IL31RA: variants seen among roughly 807,000 people sequenced by gnomAD.
The protein encoded by IL31RA is interleukin-31 receptor subunit alpha.
A neutral mutation model predicts 83.7 loss-of-function variants in IL31RA; 66 were observed. That is an observed-to-expected ratio of 0.79 (90% confidence interval 0.65 to 0.97). The LOEUF (loss-of-function observed/expected upper bound fraction) is 0.97, where lower values mean the gene tolerates loss of function less well. Ranked by LOEUF, IL31RA falls within the 50% of genes least tolerant of loss-of-function variation. The pLI is 0.00. For synonymous variants in IL31RA, 325 were observed against 329.0 expected (o/e 0.99, Z 0.13); for missense variants, 798 against 919.4 (o/e 0.87, Z 1.71).
At chr5:55,907,335 C>CA in intron 9 of IL31RA, 24 bp from the exon 10 acceptor site, 1 of 1,505,638 alleles carries the variant, frequency 6.6e-7, no homozygotes, top group South Asian at 1.1e-5. Context: ...TGCACTTACA[C>CA]TTTTTTTTCT....
At position 55,920,296 on chromosome 5, in the gene IL31RA, C is replaced by T. The variant is rs1032156433; in HGVS notation, c.*3176C>T. 3.3e-5 allele frequency among the ~76,000 whole-genome samples: 5 copies of T among 152,236 alleles called. No individual in the cohort carries two copies. Among genetic ancestry groups the T allele is most frequent in the African/African-American group, 7.2e-5 (3 of 41,468 alleles). On this transcript the variant is annotated 3_prime_UTR_variant, in exon 15 of 15. Coordinates refer to ENST00000652347, the MANE Select transcript of IL31RA (RefSeq NM_139017.7). ...TCTGATTCTGTCCCCATTTCCAGCA[C>T]GCCCCTAGTTACTCCTGCTGCAGCA...
intron 2 of IL31RA, among the ~76,000 whole-genome samples, chr5:55,859,987 A>G (rs1387266284): frequency 1.3e-5 from 2 of 152,160 alleles, no homozygotes; most frequent in South Asian, 2.1e-4. Flanking sequence ...ATATATACCT[A>G]TGATGAAGTT....
At chr5:55,865,256 TTCC>T (rs1248981262) in intron 2 of IL31RA, among the ~76,000 whole-genome samples, 1 of 152,204 alleles carries the variant, frequency 6.6e-6, no homozygotes, top group Non-Finnish European at 1.5e-5. Flanking sequence ...GATCACTGGC[TTCC>T]TCATGGTTTT....
chr5:55,860,230 A>G (rs1008326556), intron 2 of IL31RA, among the ~76,000 whole-genome samples: 1 of 152,056 alleles, frequency 6.6e-6, no homozygotes, highest in Non-Finnish European at 1.5e-5. Context: ...TTAACCGAGT[A>G]TGGTGGCTCA....
Position 55,908,323 on chromosome 5 carries a change from CA to C in IL31RA, c.1414del (p.Thr472HisfsTer45). 6.2e-7 allele frequency: 1 copy of C among 1,614,148 alleles called. No homozygotes were observed. The highest frequency in any genetic ancestry group is 8.5e-7 in the Non-Finnish European group (1 of 1,180,044). ...ACATTGGCGTGAAGACGGTCACGAT[CA>C]CATGGAAAGAGATTCCCAAGAGTGA... The part of the protein sequence containing the change: ...ENIGVKTVTI[T>X]WKEIPKSERK... On this transcript the variant is annotated frameshift_variant, in exon 11 of 15. Transcript: ENST00000652347. LOFTEE classifies it high-confidence loss of function.
rs114146496 is a variant in IL31RA at position 55,908,226 on chromosome 5, C to T, written c.1355-39C>T. Reference sequence around the variant, plus strand: ...TGTGGGGGAACGATCTCCTGGAGTGCGGTTCAGTGATTATCATTTATCCCT... The same window carrying T: ...TGTGGGGGAACGATCTCCTGGAGTGTGGTTCAGTGATTATCATTTATCCCT... On this transcript the variant is annotated intron_variant, in intron 10 of 14. Transcript: ENST00000652347. 208 of 1,612,460 alleles carry T rather than the reference C, an allele frequency of 1.3e-4. No homozygotes were observed. In the South Asian group the frequency reaches 1.6e-3, roughly 13 times the overall value.
intron 7 of IL31RA, among the ~76,000 whole-genome samples, chr5:55,898,951 G>T (rs560086367): frequency 6.6e-6 from 1 of 152,268 alleles, no homozygotes; most frequent in African/African-American, 2.4e-5. Context: ...TGGAATCCAA[G>T]AGGCGGAGGT....
chr5:55,874,372 G>A (rs934165590), intron 4 of IL31RA, among the ~76,000 whole-genome samples: 1 of 152,024 alleles, frequency 6.6e-6, no homozygotes, highest in Non-Finnish European at 1.5e-5. Context: ...TTTCAAGATT[G>A]TTTTAGCTGT....
At position 55,899,947 on chromosome 5, in the gene IL31RA, C is replaced by T; in HGVS notation, c.884C>T (p.Thr295Ile). ...AGAGGAGCCCCAGTCCTAGAGAAAACACTTGGCTACAACATATGGTACTAT... is the reference window on the plus strand; with the variant it reads ...AGAGGAGCCCCAGTCCTAGAGAAAATACTTGGCTACAACATATGGTACTAT... ...KARGAPVLEK[T>I]LGYNIWYYPE... The change falls in exon 8 of 15, where the codon ACA becomes ATA. Residue 295 changes from threonine (T) to isoleucine (I), a missense_variant. Physicochemically the swap from Thr to Ile is moderately conservative, Grantham distance 89. Coordinates refer to ENST00000652347, the MANE Select transcript of IL31RA (RefSeq NM_139017.7). 1 of 1,614,136 alleles carries T rather than the reference C, an allele frequency of 6.2e-7. No homozygotes were observed.
upstream of IL31RA, among the ~76,000 whole-genome samples, chr5:55,849,719 C>T (rs1162323341): frequency 1.3e-5 from 2 of 152,182 alleles, no homozygotes; most frequent in Non-Finnish European, 2.9e-5. Flanking sequence ...CTCACTTGGG[C>T]TAGTTGCTCT....
the IL31RA span, among the ~76,000 whole-genome samples, chr5:55,843,078 G>A: frequency 6.6e-6 from 1 of 152,144 alleles, no homozygotes; most frequent in African/African-American, 2.4e-5. Flanking sequence ...CCTTTTGCAT[G>A]CATGTGCCCA....
In IL31RA at chr5:55,883,080, C is replaced by T. The variant is rs1747347905; in HGVS notation, c.491C>T (p.Pro164Leu). The T allele has an allele frequency of 6.2e-7, 1 of 1,613,820 alleles. No homozygotes were observed. Among genetic ancestry groups the T allele is most frequent in the African/African-American group, 1.3e-5 (1 of 74,882 alleles). ...TEPPKIFRVK[P>L]VLGIKRMIQI... ...CCACCTAAGATTTTCCGTGTGAAAC[C>T]AGTTTTGGGCATCAAACGAATGATT... is the stretch of plus-strand genomic sequence containing the variant. Residue 164 changes from proline to leucine, a missense_variant, in exon 5 of 15, where the codon CCA (proline) becomes CTA (leucine). Transcript: ENST00000652347.
chr5:55,894,570 C>T (rs963971949), intron 6 of IL31RA, among the ~76,000 whole-genome samples: 1 of 152,188 alleles, frequency 6.6e-6, no homozygotes, highest in African/African-American at 2.4e-5. Flanking sequence ...AACAGCTAGA[C>T]TGTGTTAACT....
rs1418752366 is a variant in IL31RA, at chr5:55,920,780, TAC to T, written c.*3661_*3662del. On this transcript the variant is annotated 3_prime_UTR_variant, in exon 15 of 15. Coordinates refer to ENST00000652347, the MANE Select transcript of IL31RA (RefSeq NM_139017.7). ...CCTCTTTGAAGGGTGCACACACACT[TAC>T]TGGTTCCCCACCAGCCCTCCTAAAT... Among the ~76,000 whole-genome samples, 1 of 152,200 alleles carries T rather than the reference TAC, an allele frequency of 6.6e-6. No homozygotes were observed. Among genetic ancestry groups the T allele is most frequent in the Non-Finnish European group, 1.5e-5 (1 of 68,018 alleles).
At chr5:55,891,837 G>A (rs1748024214) in intron 6 of IL31RA, among the ~76,000 whole-genome samples, 1 of 118,156 alleles carries the variant, frequency 8.5e-6, no homozygotes. Context: ...GTGCATTGGT[G>A]TGATCTCCGC....
chr5:55,840,112 T>C, the IL31RA span: 3 of 320,742 alleles, frequency 9.4e-6, no homozygotes, highest in Admixed American at 4.1e-5. Context: ...TTAATTATTT[T>C]GGTAGACTTT....
At chr5:55,904,938 G>A (rs917286786) in intron 8 of IL31RA, among the ~76,000 whole-genome samples, 10 of 149,664 alleles carry the variant, frequency 6.7e-5, no homozygotes, top group Admixed American at 1.3e-4. Context: ...GCTCGTGCCT[G>A]TAATCCCAGC....
chr5:55,861,974 T>C (rs1745717241), intron 2 of IL31RA, among the ~76,000 whole-genome samples: 1 of 152,252 alleles, frequency 6.6e-6, no homozygotes, highest in South Asian at 2.1e-4. Flanking sequence ...AACATCTCTA[T>C]AATTTTGGAA....
In IL31RA at chr5:55,868,993, A is replaced by C. The variant is rs930479670; in HGVS notation, c.272+85A>C. On this transcript the variant is annotated intron_variant, in intron 3 of 14. Coordinates refer to ENST00000652347, the MANE Select transcript of IL31RA (RefSeq NM_139017.7). ...TCATTCATGATTCACATCCCATATG[A>C]AGCAAAAAGTTTCCTCAATGACAGC... The C allele has an allele frequency of 8.4e-6, 7 of 834,396 alleles. No homozygotes were observed. In the Admixed American group the frequency reaches 1.2e-4, roughly 14 times the overall value. The allele number at this position is 834,396 out of a possible 1,614,324, so 51.7% of individuals were successfully genotyped here. A position where few individuals can be genotyped will look rare whatever the true frequency, so the allele number is the denominator to read the frequency against.
Sources: gnomAD v4.1 joint callset for allele counts (sites outside exome capture counted in the v4.1 genomes callset) on GRCh38, gnomAD v4.1.1 for gene constraint, MANE v1.5 for transcripts, NCBI Gene and HGNC (gene_info 2026-07-23, HGNC 2026-07-21) for gene names.